Variants in RGS6 observed in about 807,000 individuals in gnomAD.
RGS6 encodes the protein regulator of G-protein signaling 6.
RGS6 carries 30 observed loss-of-function variants against 78.5 expected under a neutral mutation model. That is an observed-to-expected ratio of 0.38 (90% CI 0.29 to 0.52). The LOEUF (loss-of-function observed/expected upper bound fraction) is 0.52. Among genes scored for constraint, RGS6 ranks in the 20% least tolerant of loss-of-function variants. The pLI is 0.85. For synonymous variants in RGS6, 206 were observed against 206.0 expected, an observed-to-expected ratio of 1.00 and a Z score of 0.00; for missense variants, 495 against 609.7, an observed-to-expected ratio of 0.81 and a Z score of 1.98.
At chr14:72,114,214 C>A (rs1256879025) in intron 2 of RGS6, among the ~76,000 whole-genome samples, 1 of 152,140 alleles carries the variant, frequency 6.6e-6, no homozygotes, top group African/African-American at 2.4e-5. Context: ...TGTCTATCAG[C>A]CTTGTCAGCT....
Position 71,964,816 on chromosome 14 carries a change from A to G in RGS6, c.25A>G (p.Arg9Gly). MAQGSGDQ[R>G]AVGVADPEES... Reference sequence around the variant, plus strand: ...GATGGCTCAAGGATCCGGGGATCAAAGAGCAGTGGGGGTTGCTGACCCAGA... The same window carrying G: ...GATGGCTCAAGGATCCGGGGATCAAGGAGCAGTGGGGGTTGCTGACCCAGA... The change falls in exon 2 of 18, where the codon AGA becomes GGA. Residue 9 changes from arginine to glycine, a missense_variant. By Grantham distance (125) the Arg-to-Gly change is moderately radical. Transcript: ENST00000553525. The G allele has an allele frequency of 6.2e-7, 1 of 1,613,724 alleles. No homozygotes were observed. Among genetic ancestry groups the G allele is most frequent in the Non-Finnish European group, 8.5e-7 (1 of 1,179,894 alleles).
the RGS6 span, among the ~76,000 whole-genome samples, chr14:72,608,173 T>C: frequency 3.9e-5 from 6 of 152,206 alleles, no homozygotes; most frequent in African/African-American, 7.2e-5. Flanking sequence ...CTTGGCAAGA[T>C]TGTGAGCCTC....
chr14:72,083,659 T>C (rs2094913495), intron 2 of RGS6, among the ~76,000 whole-genome samples: 1 of 152,212 alleles, frequency 6.6e-6, no homozygotes, highest in Admixed American at 6.5e-5. Context: ...CTACTAAAAA[T>C]TAACCAACCA....
At chr14:72,205,804 G>C (rs1010057033) in intron 2 of RGS6, among the ~76,000 whole-genome samples, 1 of 152,194 alleles carries the variant, frequency 6.6e-6, no homozygotes, top group African/African-American at 2.4e-5. Context: ...GTGTTCTGCA[G>C]ACCGAAATGC....
At chr14:71,884,920 A>G in the RGS6 span, among the ~76,000 whole-genome samples, 5 of 152,026 alleles carry the variant, frequency 3.3e-5, no homozygotes, top group African/African-American at 1.2e-4. Context: ...GCACCTGAGC[A>G]CCTCCTTAAA....
intron 3 of RGS6, among the ~76,000 whole-genome samples, chr14:72,454,326 T>C (rs572272342): frequency 6.6e-6 from 1 of 152,274 alleles, no homozygotes; most frequent in East Asian, 1.9e-4. Flanking sequence ...AAGTGAGTGT[T>C]TTTTGGACAA....
upstream of RGS6, among the ~76,000 whole-genome samples, chr14:71,928,521 C>T (rs1345041314): frequency 6.6e-6 from 1 of 152,154 alleles, no homozygotes; most frequent in East Asian, 1.9e-4. Context: ...AATACATGCA[C>T]CAAATGCATC....
chr14:71,940,333 C>A (rs2090316554), intron 1 of RGS6, among the ~76,000 whole-genome samples: 1 of 152,234 alleles, frequency 6.6e-6, no homozygotes, highest in African/African-American at 2.4e-5. Context: ...TTAAGGGGAC[C>A]CAGCCTCCCC....
intron 2 of RGS6, among the ~76,000 whole-genome samples, chr14:72,042,129 CTT>C (rs202194668): frequency 1.0e-3 from 136 of 134,504 alleles, no homozygotes; most frequent in Admixed American, 1.5e-3. Context: ...TTTTCTTTTT[CTT>C]TTTTTTTTTT....
At chr14:72,252,745 T>C (rs762558457) in intron 2 of RGS6, among the ~76,000 whole-genome samples, 1 of 152,156 alleles carries the variant, frequency 6.6e-6, no homozygotes, top group Non-Finnish European at 1.5e-5. Context: ...ATAGTAAAAA[T>C]GCATTAACAT....
At position 72,022,145 on chromosome 14, in the gene RGS6, C is replaced by T. The variant is rs533201202; in HGVS notation, c.84+57270C>T. Among the ~76,000 whole-genome samples the T allele has an allele frequency of 1.0e-3, 155 of 152,222 alleles. 2 individuals are homozygous for T. Among genetic ancestry groups the T allele is most frequent in the African/African-American group, 3.4e-3 (141 of 41,546 alleles). Reference sequence around the variant, plus strand: ...GCTGCATAGTATTTCATGATATATACGTACCACATTTTCTTTACCCGGTCT... The same window carrying T: ...GCTGCATAGTATTTCATGATATATATGTACCACATTTTCTTTACCCGGTCT... On this transcript the variant is annotated intron_variant, in intron 2 of 17. Coordinates refer to ENST00000553525, the MANE Select transcript of RGS6 (RefSeq NM_001204424.2).
intron 2 of RGS6, among the ~76,000 whole-genome samples, chr14:72,195,628 C>G (rs1453813175): frequency 6.6e-6 from 1 of 152,228 alleles, no homozygotes; most frequent in Non-Finnish European, 1.5e-5. Flanking sequence ...AAGCAAGTCA[C>G]AGCGCTCAAA....
At chr14:72,184,496 A>G (rs2097214065) in intron 2 of RGS6, among the ~76,000 whole-genome samples, 1 of 152,082 alleles carries the variant, frequency 6.6e-6, no homozygotes, top group Non-Finnish European at 1.5e-5. Flanking sequence ...GTTGAGAGTT[A>G]ATGAGTTTAT....
chr14:72,427,328 T>A (rs1387391778), intron 3 of RGS6, among the ~76,000 whole-genome samples: 1 of 152,228 alleles, frequency 6.6e-6, no homozygotes, highest in African/African-American at 2.4e-5. Context: ...TAGGTATGTA[T>A]GTATAGAAAA....
intron 17 of RGS6, among the ~76,000 whole-genome samples, chr14:72,551,085 A>T (rs546860888): frequency 6.6e-6 from 1 of 152,160 alleles, no homozygotes; most frequent in East Asian, 1.9e-4. Flanking sequence ...AGTGATCTGC[A>T]CACCTCGGCC....
chr14:72,094,095 C>G (rs1469590456), intron 2 of RGS6, among the ~76,000 whole-genome samples: 3 of 152,054 alleles, frequency 2.0e-5, no homozygotes. Context: ...TTTCTTGTAT[C>G]ATAAATTACC....
intron 17 of RGS6, among the ~76,000 whole-genome samples, chr14:72,551,179 A>G (rs2097501550): frequency 6.6e-6 from 1 of 152,146 alleles, no homozygotes; most frequent in South Asian, 2.1e-4. Flanking sequence ...GTAGGACATC[A>G]TGAGAAGGAC....
chr14:72,560,031 G>A (rs1264028574), intron 17 of RGS6, among the ~76,000 whole-genome samples: 1 of 152,098 alleles, frequency 6.6e-6, no homozygotes, highest in African/African-American at 2.4e-5. Flanking sequence ...TTGGGCAACT[G>A]GTAAACCTCA....
At position 72,407,355 on chromosome 14, in the gene RGS6, A is replaced by G. The variant is rs148623061; in HGVS notation, c.185-47173A>G. 1.5e-3 allele frequency among the ~76,000 whole-genome samples: 223 copies of G among 152,330 alleles called. 1 individual carries two copies. Among genetic ancestry groups the G allele is most frequent in the African/African-American group, 5.0e-3 (207 of 41,578 alleles). On this transcript the variant is annotated intron_variant, in intron 3 of 17. Coordinates refer to ENST00000553525, the MANE Select transcript of RGS6 (RefSeq NM_001204424.2). ...TTGGAGTCTTTATTGGTTGATGTCA[A>G]TGGAAAGCTCTGCTTCCCTCTGGAT... is the stretch of plus-strand genomic sequence containing the variant.
Sources: allele counts gnomAD v4.1 joint callset (sites outside exome capture counted in the v4.1 genomes callset), GRCh38; gene constraint gnomAD v4.1.1; transcripts MANE v1.5; gene names NCBI Gene and HGNC (gene_info 2026-07-23, HGNC 2026-07-21).